Variants in PPP2R2B observed in about 807,000 individuals in gnomAD.
PPP2R2B encodes serine/threonine-protein phosphatase 2A 55 kDa regulatory subunit B beta isoform.
PPP2R2B carries 5 observed loss-of-function variants against 46.0 expected under a neutral mutation model. The ratio of observed to expected loss-of-function variants is 0.11; its 90% confidence interval spans 0.06 to 0.23. The LOEUF (loss-of-function observed/expected upper bound fraction) is 0.23. Among genes scored for constraint, PPP2R2B ranks in the 10% least tolerant of loss-of-function variants. The probability of loss-of-function intolerance (pLI) is 1.00; values close to 1 mark genes in which losing one functional copy is unlikely to be tolerated. For missense variants in PPP2R2B, 367 were observed against 575.0 expected (o/e 0.64, Z 3.70); for synonymous variants, 215 against 206.7 (o/e 1.04, Z -0.34).
intron 1 of PPP2R2B, among the ~76,000 whole-genome samples, chr5:146,886,245 A>C (rs1001736781): frequency 6.6e-6 from 1 of 152,098 alleles, no homozygotes; most frequent in Non-Finnish European, 1.5e-5. Context: ...AAGCTGAGGC[A>C]GGAGAACGGT....
intron 7 of PPP2R2B, among the ~76,000 whole-genome samples, chr5:146,625,873 A>AGAGAGAGGCAG (rs1456327389): frequency 6.6e-6 from 1 of 152,338 alleles, no homozygotes; most frequent in Non-Finnish European, 1.5e-5. Flanking sequence ...TAAAAGTGGA[A>AGAGAGAGGCAG]GAGAGAGGCA....
In PPP2R2B at chr5:146,732,280, T is replaced by C. The variant is rs554715075; in HGVS notation, c.71-31138A>G. Among the ~76,000 whole-genome samples, 22 of 152,338 alleles carry C rather than the reference T, an allele frequency of 1.4e-4. No homozygotes were observed. The East Asian group carries it at 2.9e-3, about 20-fold the overall frequency. On this transcript the variant is annotated intron_variant, in intron 2 of 9. Transcript: ENST00000394411. ...AAACAGCATTTCTAATGCACATACA[T>C]TGATAAAAATTTTTGCAAGGACCTC...
chr5:146,815,985 C>T lies in PPP2R2B; in HGVS notation c.70+62017G>A, dbSNP rs979786340. Among the ~76,000 whole-genome samples the T allele has an allele frequency of 2.0e-5, 3 of 152,206 alleles. No homozygotes were observed. The East Asian group carries it at 5.8e-4, about 29-fold the overall frequency. On this transcript the variant is annotated intron_variant, in intron 2 of 9. Coordinates refer to ENST00000394411, the MANE Select transcript of PPP2R2B (RefSeq NM_181675.4). ...CAAATATTTGAAGATATTCACCACT[C>T]CTCCAACCTAAGTCTGCTCCAGATT...
intron 1 of PPP2R2B, among the ~76,000 whole-genome samples, chr5:147,019,633 G>T (rs1438215587): frequency 6.6e-6 from 1 of 152,042 alleles, no homozygotes; most frequent in Admixed American, 6.6e-5. Flanking sequence ...TTTGAAAGAG[G>T]ATATGTTAAA....
intron 2 of PPP2R2B, among the ~76,000 whole-genome samples, chr5:146,771,199 C>G (rs1057321904): frequency 1.3e-5 from 2 of 152,182 alleles, no homozygotes; most frequent in Admixed American, 1.3e-4. Context: ...CATGGTCTGG[C>G]TCTCATCAGT....
At chr5:146,767,539 TACACAC>T (rs112893364) in intron 2 of PPP2R2B, among the ~76,000 whole-genome samples, 1 of 150,428 alleles carries the variant, frequency 6.6e-6, no homozygotes, top group Non-Finnish European at 1.5e-5. Flanking sequence ...CACACATACA[TACACAC>T]ACACACACAC....
Position 146,842,481 on chromosome 5 carries a change from C to CTTT in PPP2R2B, c.70+35518_70+35520dup, listed in dbSNP as rs1290808345. Among the ~76,000 whole-genome samples, 284 of 135,230 alleles carry CTTT rather than the reference C, an allele frequency of 2.1e-3. 1 individual carries two copies. The highest frequency in any genetic ancestry group is 6.4e-3 in the African/African-American group (226 of 35,448). The allele number at this position is 135,230 out of a possible 152,430, so 88.7% of individuals were successfully genotyped here. ...TACTTCAAAAAAATACCTCCATGCC[C>CTTT]TTTTTTTTTTTTTTTTTTAAAGTTC... On this transcript the variant is annotated intron_variant, in intron 2 of 9. Transcript: ENST00000394411.
At chr5:146,883,710 T>G (rs1192290124), upstream of PPP2R2B, among the ~76,000 whole-genome samples, 1 of 152,232 alleles carries the variant, frequency 6.6e-6, no homozygotes, top group East Asian at 1.9e-4. Context: ...ACCTCTTGAA[T>G]TTCTAGCAAG....
chr5:146,658,032 G>A (rs192633238), intron 5 of PPP2R2B, among the ~76,000 whole-genome samples: 53 of 152,324 alleles, frequency 3.5e-4, no homozygotes, highest in African/African-American at 1.2e-3. Flanking sequence ...ATGCTGAGAA[G>A]TTGCCACACA....
At chr5:146,827,261 A>G (rs1214616658) in intron 2 of PPP2R2B, among the ~76,000 whole-genome samples, 1 of 152,206 alleles carries the variant, frequency 6.6e-6, no homozygotes, top group Non-Finnish European at 1.5e-5. Flanking sequence ...TATGCTCCTA[A>G]GTGAATTTAT....
chr5:147,007,840 T>G (rs1754517760), intron 1 of PPP2R2B, among the ~76,000 whole-genome samples: 1 of 152,042 alleles, frequency 6.6e-6, no homozygotes, highest in African/African-American at 2.4e-5. Flanking sequence ...ATCTGAACAT[T>G]AGAGGAAAAA....
chr5:146,882,227 C>T (rs1762190139), upstream of PPP2R2B, among the ~76,000 whole-genome samples: 1 of 150,876 alleles, frequency 6.6e-6, no homozygotes, highest in Non-Finnish European at 1.5e-5. Context: ...CATCGCACCA[C>T]TGCACTCCAG....
intron 1 of PPP2R2B, among the ~76,000 whole-genome samples, chr5:146,987,761 A>G (rs1753497923): frequency 6.6e-6 from 1 of 152,044 alleles, no homozygotes; most frequent in Admixed American, 6.5e-5. Context: ...TGGCAGTAGT[A>G]AGTTCTTACT....
At chr5:146,692,416 C>T (rs990104639) in intron 4 of PPP2R2B, among the ~76,000 whole-genome samples, 2 of 152,080 alleles carry the variant, frequency 1.3e-5, no homozygotes, top group African/African-American at 4.8e-5. Context: ...ACAGAACTCC[C>T]ATGAGAACTC....
At chr5:146,832,467 C>T (rs1305551725) in intron 2 of PPP2R2B, among the ~76,000 whole-genome samples, 1 of 145,766 alleles carries the variant, frequency 6.9e-6, no homozygotes, top group Admixed American at 7.2e-5. Context: ...TGTTGGCTCA[C>T]CGCAACCTCC....
intron 1 of PPP2R2B, among the ~76,000 whole-genome samples, chr5:147,024,980 A>G (rs531759092): frequency 6.6e-6 from 1 of 152,208 alleles, no homozygotes; most frequent in Admixed American, 6.5e-5. Flanking sequence ...AGAATAAAAA[A>G]TGGAACCACG....
intron 2 of PPP2R2B, among the ~76,000 whole-genome samples, chr5:146,784,144 A>T (rs1026446858): frequency 4.7e-4 from 71 of 152,216 alleles, no homozygotes; most frequent in African/African-American, 1.6e-3. Context: ...TGAATGTTTC[A>T]GCCTATTTTT....
In PPP2R2B at chr5:146,960,667, C is replaced by A. The variant is rs190622021; in HGVS notation, c.79+94998G>T. ...ATGAAAATGGACCAAGCAATGTAGT[C>A]AAAAACCTAACCAAATTAGATTCTG... On this transcript the variant is annotated intron_variant, in intron 1 of 8. Coordinates refer to the PPP2R2B transcript ENST00000336640. Among the ~76,000 whole-genome samples, 9 of 152,218 alleles carry A rather than the reference C, an allele frequency of 5.9e-5. No individual in the cohort carries two copies. In the East Asian group the frequency reaches 9.7e-4, roughly 16 times the overall value.
chr5:146,934,685 C>T (rs918538899), intron 1 of PPP2R2B, among the ~76,000 whole-genome samples: 2 of 150,474 alleles, frequency 1.3e-5, no homozygotes, highest in African/African-American at 4.9e-5. Context: ...TTAGCTGTAG[C>T]CTAAAATTTA....
Sources: gnomAD v4.1 joint callset for allele counts (sites outside exome capture counted in the v4.1 genomes callset) on GRCh38, gnomAD v4.1.1 for gene constraint, MANE v1.5 for transcripts, NCBI Gene and HGNC (gene_info 2026-07-23, HGNC 2026-07-21) for gene names.